Variants in AK9 observed in about 807,000 individuals in gnomAD.
AK9 encodes adenylate kinase domain containing 1.
A neutral mutation model predicts 239.6 loss-of-function variants in AK9; 191 were observed. The ratio of observed to expected loss-of-function variants is 0.80; its 90% confidence interval spans 0.71 to 0.90. The LOEUF is 0.90. Ranked by LOEUF, AK9 falls within the 40% of genes least tolerant of loss-of-function variation. The pLI, the probability that AK9 is intolerant of heterozygous loss-of-function variation, is 0.00. For missense variants in AK9, 1,995 were observed against 2,214.7 expected (o/e 0.90, Z 1.99); for synonymous variants, 689 against 721.0 (o/e 0.96, Z 0.71).
At chr6:109,625,786 G>A (rs1320498032) in intron 12 of AK9, among the ~76,000 whole-genome samples, 2 of 152,188 alleles carry the variant, frequency 1.3e-5, no homozygotes, top group East Asian at 3.8e-4. Context: ...TATGATGTGT[G>A]TAGGTGTGGT....
intron 29 of AK9, among the ~76,000 whole-genome samples, chr6:109,524,450 T>A (rs901845860): frequency 2.0e-4 from 30 of 152,038 alleles, no homozygotes; most frequent in African/African-American, 6.8e-4. Flanking sequence ...AAGACACAAA[T>A]TTACAGATTA....
At chr6:109,607,768 GGTGTGTGTGTGTGTGT>G in intron 17 of AK9, among the ~76,000 whole-genome samples, 1 of 145,382 alleles carries the variant, frequency 6.9e-6, no homozygotes, top group South Asian at 2.2e-4. Flanking sequence ...CCAGCAGAGG[GGTGTGTGTGTGTGTGT>G]GTGTGTGTGT....
rs192380276 is a variant in AK9 at position 109,559,413 on chromosome 6, C to T, written c.2751+4184G>A. Among the ~76,000 whole-genome samples the T allele has an allele frequency of 6.0e-3, 907 of 151,624 alleles. 10 individuals are homozygous for T. The highest frequency in any genetic ancestry group is 0.021 in the African/African-American group (862 of 41,324). ...TGATCTCCTAACCTCGTGATCTGCCCGCCTTGGCCTCCCAAAGTGCTGGGA... is the reference window on the plus strand; with the variant it reads ...TGATCTCCTAACCTCGTGATCTGCCTGCCTTGGCCTCCCAAAGTGCTGGGA... On this transcript the variant is annotated intron_variant, in intron 24 of 40. Transcript: ENST00000424296.
In AK9 at chr6:109,493,589, G is replaced by A; in HGVS notation, c.5534-18C>T. 1.3e-6 allele frequency: 2 copies of A among 1,595,448 alleles called. No homozygotes were observed. The highest frequency in any genetic ancestry group is 1.7e-4 in the Middle Eastern group (1 of 6,036). ...ATTAAATGCTGTAGAAAATTTCACA[G>A]AACTGTGAATAATTTCTGCTAGTTA... On this transcript the variant is annotated intron_variant, in intron 40 of 40. Coordinates refer to ENST00000424296, the MANE Select transcript of AK9 (RefSeq NM_001145128.3).
chr6:109,523,344 C>T (rs1312840442), intron 29 of AK9, among the ~76,000 whole-genome samples: 5 of 151,886 alleles, frequency 3.3e-5, no homozygotes, highest in African/African-American at 9.7e-5. Context: ...CCTGACATCA[C>T]GCATCTCTTA....
intron 4 of AK9, 39 bp from the exon 5 acceptor site, chr6:109,672,054 A>G (rs1453442479): frequency 1.5e-5 from 24 of 1,611,862 alleles, no homozygotes; most frequent in African/African-American, 9.4e-5. Context: ...ACTGTATAAT[A>G]TATCTATGAT....
At chr6:109,522,364 T>C (rs981340306) in intron 29 of AK9, among the ~76,000 whole-genome samples, 21 of 152,062 alleles carry the variant, frequency 1.4e-4, no homozygotes, top group African/African-American at 5.1e-4. Flanking sequence ...CTTAGAATAT[T>C]TCCTTCTTTA....
chr6:109,558,912 G>A (rs1272953191), intron 24 of AK9, among the ~76,000 whole-genome samples: 1 of 151,082 alleles, frequency 6.6e-6, no homozygotes, highest in Non-Finnish European at 1.5e-5. Flanking sequence ...CGCCTAGGCT[G>A]GGGTGCGGTG....
intron 29 of AK9, among the ~76,000 whole-genome samples, chr6:109,523,566 T>G (rs1780098838): frequency 6.6e-6 from 1 of 152,110 alleles, no homozygotes; most frequent in Non-Finnish European, 1.5e-5. Flanking sequence ...TAGGGTGAGT[T>G]TTCTGATTTT....
Position 109,612,009 on chromosome 6 carries a change from C to T in AK9, c.1693+1G>A. The T allele has an allele frequency of 2.0e-6, 3 of 1,489,360 alleles. No homozygotes were observed. Among genetic ancestry groups the T allele is most frequent in the Middle Eastern group, 1.7e-4 (1 of 5,732 alleles). The allele number at this position is 1,489,360 out of a possible 1,614,324, so 92.3% of individuals were successfully genotyped here. A position where few individuals can be genotyped will look rare whatever the true frequency, so the allele number is the denominator to read the frequency against. ...ATCAAATTATACAAATATTAATTTACCTGTATCTGAATACAACTTTACATC... is the reference window on the plus strand; with the variant it reads ...ATCAAATTATACAAATATTAATTTATCTGTATCTGAATACAACTTTACATC... On this transcript the variant is annotated splice_donor_variant, in intron 16 of 40. Transcript: ENST00000424296. LOFTEE classifies it high-confidence loss of function.
intron 24 of AK9, among the ~76,000 whole-genome samples, chr6:109,553,678 T>C (rs965179536): frequency 4.6e-5 from 7 of 152,178 alleles, no homozygotes; most frequent in African/African-American, 7.2e-5. Context: ...CTCTTCCTAT[T>C]TGAATACCCT....
intron 10 of AK9, among the ~76,000 whole-genome samples, chr6:109,635,190 C>T (rs567022846): frequency 6.6e-6 from 1 of 152,258 alleles, no homozygotes; most frequent in South Asian, 2.1e-4. Context: ...AGGCTGACAG[C>T]TCACCAGTTA....
Position 109,671,936 on chromosome 6 carries a change from G to C in AK9, c.314C>G (p.Pro105Arg), listed in dbSNP as rs1186114465. ...AAACATACCAAAGTGACAGACTTCT[G>C]GGGAGTTGAGCTTCTCCAACATTAG... is the stretch of plus-strand genomic sequence containing the variant. ...IKLMLEKLNS[P>R]EVCHFGYIIT... The change falls in exon 5 of 41, where the codon CCA (proline) becomes CGA (arginine). Residue 105 changes from proline to arginine, a missense_variant. Around this residue, in one of 5 missense-constraint regions of AK9, gnomAD observed 252 missense variants for 246.4 expected, o/e 1.02. Coordinates refer to ENST00000424296, the MANE Select transcript of AK9 (RefSeq NM_001145128.3). The C allele has an allele frequency of 6.2e-7, 1 of 1,613,726 alleles. No individual in the cohort carries two copies. Among genetic ancestry groups the C allele is most frequent in the Admixed American group, 1.7e-5 (1 of 59,982 alleles).
At chr6:109,686,678 CTG>C (rs1475506458) in intron 1 of AK9, among the ~76,000 whole-genome samples, 1 of 152,226 alleles carries the variant, frequency 6.6e-6, no homozygotes, top group African/African-American at 2.4e-5. Flanking sequence ...GAGCCTCTCT[CTG>C]TAGATCCTTG....
At chr6:109,553,234 C>T (rs561815568) in intron 24 of AK9, among the ~76,000 whole-genome samples, 165 of 152,154 alleles carry the variant, frequency 1.1e-3, no homozygotes, top group African/African-American at 3.7e-3. Context: ...TTTCTAATTC[C>T]GTGAAAATGT....
At position 109,675,660 on chromosome 6, in the gene AK9, T is replaced by C. The variant is rs1385853393; in HGVS notation, c.86A>G (p.Lys29Arg). 1.9e-6 allele frequency: 3 copies of C among 1,592,156 alleles called. No homozygotes were observed. The highest frequency in any genetic ancestry group is 2.6e-6 in the Non-Finnish European group (3 of 1,169,708). ...DETERNFLLS[K>R]PVCFVVFGKP... Reference sequence around the variant, plus strand: ...CCCAAATACAACAAAGCAAACAGGTTTGGACAACAAAAAATTCCTTTCAGT... The same window carrying C: ...CCCAAATACAACAAAGCAAACAGGTCTGGACAACAAAAAATTCCTTTCAGT... Residue 29 changes from lysine to arginine, a missense_variant, in exon 2 of 41, where the codon AAA becomes AGA. By Grantham distance (26) the Lys-to-Arg change is conservative. Transcript: ENST00000424296.
In AK9 at chr6:109,674,232, G is replaced by A; in HGVS notation, c.147C>T (p.Tyr49=). 1.3e-6 allele frequency: 2 copies of A among 1,591,508 alleles called. No individual in the cohort carries two copies. Among genetic ancestry groups the A allele is most frequent in the Non-Finnish European group, 1.7e-6 (2 of 1,170,330 alleles). ...GAATACATTTCCATGCCTGTGTTAT[G>A]TAACGGGCTAATGTTGTTTTCCCAA... ...PGVGKTTLAR[Y]ITQAWKCIRV... is the part of the protein sequence containing the mutation. Residue 49 remains tyrosine, a synonymous_variant, in exon 3 of 41, where the codon TAC becomes TAT. Coordinates refer to ENST00000424296, the MANE Select transcript of AK9 (RefSeq NM_001145128.3).
At chr6:109,638,934 C>G (rs1244174645) in intron 10 of AK9, among the ~76,000 whole-genome samples, 1 of 152,094 alleles carries the variant, frequency 6.6e-6, no homozygotes, top group Non-Finnish European at 1.5e-5. Context: ...AGTTTGCTGA[C>G]AATGATTGTT....
chr6:109,634,159 C>T (rs1010713387), intron 10 of AK9, among the ~76,000 whole-genome samples: 6 of 152,042 alleles, frequency 3.9e-5, no homozygotes, highest in East Asian at 1.9e-4. Context: ...ACGAGTGCTC[C>T]GCCCTCATGA....
Sources: gnomAD v4.1 joint callset for allele counts (sites outside exome capture counted in the v4.1 genomes callset) on GRCh38, gnomAD v4.1.1 for gene constraint, gnomAD v4.1.1 regional missense constraint, MANE v1.5 for transcripts, NCBI Gene and HGNC (gene_info 2026-07-23, HGNC 2026-07-21) for gene names.